Variants in STAU1 observed in about 807,000 individuals in gnomAD.
The protein encoded by STAU1 is staufen double-stranded RNA binding protein 1, also known as double-stranded RNA-binding protein Staufen homolog 1.
STAU1 carries 13 observed loss-of-function variants against 62.9 expected under a neutral mutation model. The ratio of observed to expected loss-of-function variants is 0.21; its 90% CI spans 0.13 to 0.33. The LOEUF (loss-of-function observed/expected upper bound fraction) is 0.33. Among genes scored for constraint, STAU1 ranks in the 10% least tolerant of loss-of-function variants. STAU1 has a pLI of 1.00. For synonymous variants in STAU1, 269 were observed against 265.1 expected (o/e 1.01, Z -0.14); for missense variants, 571 against 712.1 (o/e 0.80, Z 2.25).
chr20:49,204,600 A>ATATATATATATATATGTG, the STAU1 span, among the ~76,000 whole-genome samples: 1 of 37,540 alleles, frequency 2.7e-5, no homozygotes, highest in African/African-American at 7.3e-5. Flanking sequence ...CATTATATAT[A>ATATATATATATATATGTG]TATATATATA....
At chr20:49,175,920 A>C (rs6063364) in intron 1 of STAU1, among the ~76,000 whole-genome samples, 48,054 of 148,430 alleles carry the variant, frequency 0.32, 8,994 homozygotes, top group Middle Eastern at 0.48. Context: ...TCAGCCTCCC[A>C]AGTAGCTGGG....
the STAU1 span, among the ~76,000 whole-genome samples, chr20:49,202,056 T>TA: frequency 6.7e-6 from 1 of 150,034 alleles, no homozygotes; most frequent in Non-Finnish European, 1.5e-5. Context: ...CCGTCTCTAC[T>TA]AAAAATACAA....
chr20:49,124,302 G>A, intron 7 of STAU1, 73 bp downstream of exon 7: 1 of 1,502,962 alleles, frequency 6.7e-7, no homozygotes, highest in Non-Finnish European at 9.1e-7. Context: ...CTTGGGGACA[G>A]CGACCAGCCT....
intron 3 of STAU1, among the ~76,000 whole-genome samples, chr20:49,160,134 A>G (rs563411239): frequency 1.3e-5 from 2 of 152,300 alleles, no homozygotes; most frequent in African/African-American, 4.8e-5. Context: ...TGTTTTACAC[A>G]TGAGGAAACA....
At chr20:49,125,213 A>AAAAAAAAAC (rs2092575222) in intron 6 of STAU1, among the ~76,000 whole-genome samples, 4 of 146,700 alleles carry the variant, frequency 2.7e-5, no homozygotes, top group Non-Finnish European at 6.0e-5. Context: ...AAAAAAAAAA[A>AAAAAAAAAC]AAAAAAAAAA....
At chr20:49,177,302 G>A (rs1343456047) in intron 1 of STAU1, among the ~76,000 whole-genome samples, 3 of 151,954 alleles carry the variant, frequency 2.0e-5, no homozygotes, top group African/African-American at 4.8e-5. Flanking sequence ...TTGGGAGGCC[G>A]AGGCAGGTGG....
the STAU1 span, among the ~76,000 whole-genome samples, chr20:49,211,372 T>A: frequency 6.6e-6 from 1 of 151,654 alleles, no homozygotes. Context: ...GTAATTCTTT[T>A]TTTTTTTCTT....
Position 49,153,952 on chromosome 20 carries a change from C to G in STAU1, c.325G>C (p.Gly109Arg). The G allele has an allele frequency of 6.3e-7, 1 of 1,598,674 alleles. No homozygotes were observed. The highest frequency in any genetic ancestry group is 1.4e-5 in the African/African-American group (1 of 73,696). Reference protein sequence around the residue: ...MQSTYNYNMRGGAYPPRYFYP... With the variant: ...MQSTYNYNMRRGAYPPRYFYP... ...ACATACCTCGGGGGATAAGCACCTCCTCTCATGTTGTAGTTATAGGTGGAC... is the reference window on the plus strand; with the variant it reads ...ACATACCTCGGGGGATAAGCACCTCGTCTCATGTTGTAGTTATAGGTGGAC... The change falls in exon 4 of 14, where the codon GGA (glycine) becomes CGA (arginine). Residue 109 changes from glycine (G) to arginine (R), a missense_variant. Transcript: ENST00000371856.
At chr20:49,151,372 A>G (rs2093245422) in intron 5 of STAU1, among the ~76,000 whole-genome samples, 1 of 152,240 alleles carries the variant, frequency 6.6e-6, no homozygotes, top group African/African-American at 2.4e-5. Context: ...ACTGAAAAAG[A>G]AGGCAACTGA....
chr20:49,204,608 A>G, the STAU1 span, among the ~76,000 whole-genome samples: 1 of 64,574 alleles, frequency 1.5e-5, no homozygotes, highest in Non-Finnish European at 3.1e-5. Context: ...ATATATATAT[A>G]TATATATATA....
chr20:49,211,820 C>T, the STAU1 span, among the ~76,000 whole-genome samples: 2 of 152,216 alleles, frequency 1.3e-5, no homozygotes, highest in African/African-American at 4.8e-5. Context: ...CCTCAGCCTC[C>T]TGAGTAGCTG....
intron 8 of STAU1, among the ~76,000 whole-genome samples, chr20:49,122,516 AT>A (rs2092487097): frequency 6.6e-6 from 1 of 152,268 alleles, no homozygotes; most frequent in Non-Finnish European, 1.5e-5. Context: ...CATTACATTC[AT>A]TTTTTTAAGC....
At chr20:49,206,581 T>A in the STAU1 span, among the ~76,000 whole-genome samples, 39,739 of 142,604 alleles carry the variant, frequency 0.28, 6,021 homozygotes, top group East Asian at 0.52. Flanking sequence ...ATGGTCATGG[T>A]TTACTGTAGC....
intron 6 of STAU1, among the ~76,000 whole-genome samples, chr20:49,131,676 C>T (rs920411104): frequency 6.6e-6 from 1 of 152,008 alleles, no homozygotes; most frequent in East Asian, 1.9e-4. Context: ...AATCCCATCT[C>T]TACTAAAAAT....
At chr20:49,199,380 G>A in the STAU1 span, among the ~76,000 whole-genome samples, 12 of 144,822 alleles carry the variant, frequency 8.3e-5, no homozygotes, top group South Asian at 1.3e-3. Context: ...ACAGGCATGC[G>A]CCACCACGCC....
chr20:49,187,881 G>A (rs1036789055), intron 1 of STAU1, among the ~76,000 whole-genome samples: 1 of 149,368 alleles, frequency 6.7e-6, no homozygotes, highest in Non-Finnish European at 1.5e-5. Context: ...TGTGGCACCG[G>A]TGAGGGCTGG....
At chr20:49,162,844 A>T (rs1162811772) in intron 3 of STAU1, among the ~76,000 whole-genome samples, 1 of 152,066 alleles carries the variant, frequency 6.6e-6, no homozygotes, top group African/African-American at 2.4e-5. Context: ...GAAAGGAAAC[A>T]GGCACAAGGA....
intron 5 of STAU1, among the ~76,000 whole-genome samples, chr20:49,144,432 T>G (rs1012513706): frequency 6.6e-6 from 1 of 152,202 alleles, no homozygotes; most frequent in Non-Finnish European, 1.5e-5. Context: ...AGCTGATTCT[T>G]GAGTTTGGGG....
At chr20:49,176,271 T>C (rs1364523227) in intron 1 of STAU1, among the ~76,000 whole-genome samples, 4 of 152,164 alleles carry the variant, frequency 2.6e-5, no homozygotes, top group African/African-American at 9.7e-5. Context: ...ATTGGGTACA[T>C]AAATAGTGGC....
Sources: gnomAD v4.1 joint callset for allele counts (sites outside exome capture counted in the v4.1 genomes callset) on GRCh38, gnomAD v4.1.1 for gene constraint, MANE v1.5 for transcripts, NCBI Gene and HGNC (gene_info 2026-07-23, HGNC 2026-07-21) for gene names.